The following UNC13A variants were observed in gnomAD, a reference collection of about 807,000 sequenced individuals.
The protein encoded by UNC13A is unc-13 homolog A.
UNC13A carries 61 observed loss-of-function variants against 219.7 expected under a neutral mutation model. The observed-to-expected ratio is 0.28, with a 90% CI of 0.23 to 0.34. UNC13A has a LOEUF of 0.34. UNC13A is among the 10% of genes least tolerant of loss of function. UNC13A has a pLI of 1.00. For synonymous variants in UNC13A, 920 were observed against 884.6 expected, an observed-to-expected ratio of 1.04 and a Z score of -0.71; for missense variants, 1,476 against 2,270.3, an observed-to-expected ratio of 0.65 and a Z score of 7.11.
At chr19:17,612,617 G>T (rs1053944355) in intron 41 of UNC13A, among the ~76,000 whole-genome samples, 6 of 152,134 alleles carry the variant, frequency 3.9e-5, no homozygotes, top group Non-Finnish European at 7.3e-5. Context: ...GGAGGGTGAG[G>T]CAAACTCACT....
Position 17,627,891 on chromosome 19 carries a change from T to C in UNC13A, c.3803A>G (p.Lys1268Arg). 1 of 1,605,474 alleles carries C rather than the reference T, an allele frequency of 6.2e-7. No individual in the cohort carries two copies. The highest frequency in any genetic ancestry group is 1.1e-5 in the South Asian group (1 of 89,866). Residue 1268 changes from lysine to arginine, a missense_variant, in exon 32 of 44, where the codon AAG becomes AGG. Coordinates refer to ENST00000519716, the MANE Select transcript of UNC13A (RefSeq NM_001080421.3). The surrounding 1 kb of genome is among the most constrained non-coding windows in gnomAD (Gnocchi z 4.7). ...CTTTCCTCCCATGGCTTCGAACATC[T>C]TCTCCAGCTGAACTCGTAGCTGTTG... ...NTQQLRVQLEKMFEAMGGKEL... is the reference protein window; with the variant it reads ...NTQQLRVQLERMFEAMGGKEL...
chr19:17,653,176 T>C (rs1024201177), intron 11 of UNC13A, among the ~76,000 whole-genome samples: 1 of 151,808 alleles, frequency 6.6e-6, no homozygotes, highest in Non-Finnish European at 1.5e-5. Flanking sequence ...TGTTCTGAAA[T>C]ATTGAGGGGG....
At chr19:17,638,551 G>C (rs1392163261) in intron 25 of UNC13A, among the ~76,000 whole-genome samples, 1 of 152,014 alleles carries the variant, frequency 6.6e-6, no homozygotes, top group Non-Finnish European at 1.5e-5. Flanking sequence ...GCCAGGCTGG[G>C]AGTGGTGGCT....
chr19:17,632,059 T>G (rs2076861663), intron 28 of UNC13A, among the ~76,000 whole-genome samples: 1 of 152,286 alleles, frequency 6.6e-6, no homozygotes, highest in East Asian at 1.9e-4. Context: ...TACAGGCATC[T>G]GCCACCACAC....
chr19:17,634,420 C>T (rs779057434), intron 26 of UNC13A, among the ~76,000 whole-genome samples: 3 of 152,000 alleles, frequency 2.0e-5, no homozygotes, highest in Non-Finnish European at 4.4e-5. Flanking sequence ...CTCACTGCAA[C>T]CTCCACCACC....
Position 17,649,407 on chromosome 19 carries a change from A to C in UNC13A, c.1519-63T>G. 3 of 1,613,342 alleles carry C rather than the reference A, an allele frequency of 1.9e-6. No homozygotes were observed. The highest frequency in any genetic ancestry group is 1.1e-5 in the South Asian group (1 of 91,066). ...ACTACATTAGTCTCAGAGAATGCCTAGCTGGCCCCCAACCCCAGGTTGACC... is the reference window on the plus strand; with the variant it reads ...ACTACATTAGTCTCAGAGAATGCCTCGCTGGCCCCCAACCCCAGGTTGACC... On this transcript the variant is annotated intron_variant, in intron 13 of 43. Coordinates refer to ENST00000519716, the MANE Select transcript of UNC13A (RefSeq NM_001080421.3). The surrounding 1 kb of genome is among the most constrained non-coding windows in gnomAD (Gnocchi z 4.4).
At chr19:17,682,531 A>C (rs541894753) in intron 1 of UNC13A, among the ~76,000 whole-genome samples, 7 of 152,244 alleles carry the variant, frequency 4.6e-5, no homozygotes, top group African/African-American at 1.7e-4. Context: ...GTGGAAGAAA[A>C]GTGAGGCCAG....
At chr19:17,680,759 C>A (rs763160191) in intron 1 of UNC13A, among the ~76,000 whole-genome samples, 10 of 151,174 alleles carry the variant, frequency 6.6e-5, no homozygotes, top group Admixed American at 6.6e-4. Flanking sequence ...TTACTGATAT[C>A]TTTACTGTTT....
intron 27 of UNC13A, 45 bp from the exon 28 acceptor site, chr19:17,632,953 C>G (rs185311313): frequency 4.6e-5 from 74 of 1,612,858 alleles, no homozygotes; most frequent in East Asian, 4.0e-4. Flanking sequence ...GGGTCTGCCA[C>G]CCTCTGTCTC....
chr19:17,649,108 G>T lies in UNC13A; in HGVS notation c.1525-125C>A. 1 of 1,223,238 alleles carries T rather than the reference G, an allele frequency of 8.2e-7. No individual in the cohort carries two copies. 75.8% of individuals were successfully genotyped at this position (1,223,238 alleles called of 1,614,324 possible). On this transcript the variant is annotated intron_variant, in intron 14 of 43. Coordinates refer to ENST00000519716, the MANE Select transcript of UNC13A (RefSeq NM_001080421.3). This position sits in a 1 kb window ranked among gnomAD's most constrained non-coding sequence, Gnocchi z 4.4. ...GAGCCACAACCGCAAGTTGGAAACA[G>T]GTCACCGACAGCATCCGGGCCAGAC...
rs1037121147 is a variant in UNC13A at position 17,603,080 on chromosome 19, G to A, written c.*2974C>T. 4 of 152,206 alleles carry A rather than the reference G, an allele frequency of 2.6e-5. No individual in the cohort carries two copies. Among genetic ancestry groups the A allele is most frequent in the Non-Finnish European group, 4.4e-5 (3 of 68,060 alleles). 9.4% of individuals were successfully genotyped at this position (152,206 alleles called of 1,614,324 possible). ...CGTGATGGGTTTTGAAGGACGAATA[G>A]GAGTTCTCTGGGGGAAAGAAAAGAG... On this transcript the variant is annotated 3_prime_UTR_variant, in exon 44 of 44. Transcript: ENST00000519716.
intron 37 of UNC13A, among the ~76,000 whole-genome samples, chr19:17,621,375 C>T (rs1297513750): frequency 1.3e-5 from 2 of 152,146 alleles, no homozygotes; most frequent in Non-Finnish European, 2.9e-5. Flanking sequence ...ACAACGATAT[C>T]TTCTGCACAA....
rs1315600945 is a variant in UNC13A, at chr19:17,603,789, A to T, written c.*2265T>A. ...ACTCAGCAGCCCTAGAGCTCATCTA[A>T]GGGCAGGATTTTTTTTTTTTTTTGG... On this transcript the variant is annotated 3_prime_UTR_variant, in exon 44 of 44. Coordinates refer to ENST00000519716, the MANE Select transcript of UNC13A (RefSeq NM_001080421.3). 7.4e-6 allele frequency: 1 copy of T among 135,306 alleles called. No homozygotes were observed. Among genetic ancestry groups the T allele is most frequent in the East Asian group, 2.0e-4 (1 of 5,054 alleles). The allele number at this position is 135,306 out of a possible 1,614,324, so 8.4% of individuals were successfully genotyped here. A position where few individuals can be genotyped will look rare whatever the true frequency, so the allele number is the denominator to read the frequency against.
intron 9 of UNC13A, among the ~76,000 whole-genome samples, chr19:17,657,507 G>A (rs1170689156): frequency 6.6e-6 from 1 of 152,106 alleles, no homozygotes; most frequent in East Asian, 1.9e-4. Context: ...ATACAGGCAG[G>A]GGGACATAGG....
chr19:17,645,907 C>G, intron 18 of UNC13A, 63 bp downstream of exon 18: 1 of 1,595,116 alleles, frequency 6.3e-7, no homozygotes, highest in African/African-American at 1.3e-5. Context: ...GTCCTTGGAG[C>G]CCTCTTTTGG....
chr19:17,635,964 A>G, intron 26 of UNC13A, 60 bp downstream of exon 26: 1 of 1,537,128 alleles, frequency 6.5e-7, no homozygotes, highest in South Asian at 1.2e-5. Flanking sequence ...ACAAGACACA[A>G]AGTTGTATAC....
In UNC13A at chr19:17,604,460, C is replaced by G. The variant is rs891362452; in HGVS notation, c.*1594G>C. 5 of 152,250 alleles carry G rather than the reference C, an allele frequency of 3.3e-5. No individual in the cohort carries two copies. The highest frequency in any genetic ancestry group is 1.2e-4 in the African/African-American group (5 of 41,434). The allele number at this position is 152,250 out of a possible 1,614,324, so 9.4% of individuals were successfully genotyped here. A position where few individuals can be genotyped will look rare whatever the true frequency, so the allele number is the denominator to read the frequency against. ...CCTTCGCACGTGCTGTTCCCCAGGCCTGGAGCTCTTTTCTCTCTAGTAAGT... is the reference window on the plus strand; with the variant it reads ...CCTTCGCACGTGCTGTTCCCCAGGCGTGGAGCTCTTTTCTCTCTAGTAAGT... On this transcript the variant is annotated 3_prime_UTR_variant, in exon 44 of 44. Transcript: ENST00000519716.
intron 36 of UNC13A, chr19:17,622,968 T>C (rs2076744406): frequency 6.6e-6 from 1 of 152,340 alleles, no homozygotes; most frequent in African/African-American, 2.4e-5. Context: ...GACAAAAGTC[T>C]CCCACTTGGG....
Position 17,617,794 on chromosome 19 carries a change from G to T in UNC13A, c.4466C>A (p.Pro1489Gln). ...GGCATAGCGCAAGGATTGCAGGTCC[G>T]GGCTCTTCTCCAGGAAGGTCTTCTT... ...GLKKTFLEKS[P>Q]DLQSLRYALS... is the part of the protein sequence containing the mutation. The change falls in exon 41 of 44, where the codon CCG becomes CAG. Residue 1489 changes from proline (P) to glutamine (Q), a missense_variant. Around this residue, in one of 14 missense-constraint regions of UNC13A, gnomAD observed 77 missense variants for 94.8 expected, o/e 0.81. Transcript: ENST00000519716. 1 of 1,613,950 alleles carries T rather than the reference G, an allele frequency of 6.2e-7. No individual in the cohort carries two copies. The highest frequency in any genetic ancestry group is 8.5e-7 in the Non-Finnish European group (1 of 1,179,862).
Sources: allele counts gnomAD v4.1 joint callset (sites outside exome capture counted in the v4.1 genomes callset), GRCh38; gene constraint gnomAD v4.1.1; regional missense constraint gnomAD v4.1.1; non-coding constraint Gnocchi (gnomAD v3.1); transcripts MANE v1.5; gene names NCBI Gene and HGNC (gene_info 2026-07-23, HGNC 2026-07-21).